The following MMRN1 variants were observed in gnomAD, a reference collection of about 807,000 sequenced individuals.
MMRN1 encodes the protein multimerin-1.
In MMRN1, 94 loss-of-function variants were observed where a neutral mutation model predicts 100.7. The ratio of observed to expected loss-of-function variants is 0.93; its 90% CI spans 0.79 to 1.11. The LOEUF is 1.11. Among genes scored for constraint, MMRN1 ranks in the 50% least tolerant of loss-of-function variants. The pLI, the probability that MMRN1 is intolerant of heterozygous loss-of-function variation, is 0.00. For missense variants in MMRN1, 1,606 were observed against 1,439.1 expected, an observed-to-expected ratio of 1.12 and a Z score of -1.88; for synonymous variants, 575 against 505.0, an observed-to-expected ratio of 1.14 and a Z score of -1.86.
intron 1 of MMRN1, among the ~76,000 whole-genome samples, chr4:89,883,181 T>C (rs1454200278): frequency 6.6e-6 from 1 of 152,118 alleles, no homozygotes; most frequent in Non-Finnish European, 1.5e-5. Context: ...TGATATTCTC[T>C]TATATTTGGG....
At chr4:89,918,114 C>T (rs1445982965) in intron 3 of MMRN1, among the ~76,000 whole-genome samples, 1 of 150,754 alleles carries the variant, frequency 6.6e-6, no homozygotes, top group Non-Finnish European at 1.5e-5. Flanking sequence ...TGGCCTTTTA[C>T]TAATTTTTGT....
chr4:89,925,522 T>C (rs1316176040), intron 4 of MMRN1, among the ~76,000 whole-genome samples: 1 of 148,886 alleles, frequency 6.7e-6, no homozygotes, highest in East Asian at 1.9e-4. Context: ...ATATATTTAA[T>C]TTTTAATTAA....
chr4:89,905,096 CTT>C (rs1197466422), intron 1 of MMRN1, among the ~76,000 whole-genome samples: 1 of 151,450 alleles, frequency 6.6e-6, no homozygotes, highest in Non-Finnish European at 1.5e-5. Context: ...GTAGTAAACA[CTT>C]ATAAAAAAAT....
chr4:89,935,879 T>C lies in MMRN1; in HGVS notation c.2199T>C (p.Thr733=). 1.2e-6 allele frequency: 2 copies of C among 1,610,090 alleles called. No homozygotes were observed. Among genetic ancestry groups the C allele is most frequent in the African/African-American group, 1.3e-5 (1 of 74,810 alleles). Reference sequence around the variant, plus strand: ...AAGATGGCCTCAATAAGACAATGACTATTATAAATAATGCTATTGATTTCA... The same window carrying C: ...AAGATGGCCTCAATAAGACAATGACCATTATAAATAATGCTATTGATTTCA... ...EMEDGLNKTM[T]IINNAIDFIQ... The change falls in exon 6 of 8, where the codon ACT becomes ACC. Residue 733 remains threonine, a synonymous_variant. Transcript: ENST00000264790.
rs1578508588 is a variant in MMRN1, at chr4:89,951,334, T to G, written c.3119-271T>G. ...TTTGTATTGAGATAATTCTATTCTG[T>G]TCTGCAGTTGACAAGAATGTTAACA... is the stretch of plus-strand genomic sequence containing the variant. On this transcript the variant is annotated intron_variant, in intron 6 of 7. Transcript: ENST00000264790. 7 of 311,302 alleles carry G rather than the reference T, an allele frequency of 2.2e-5. No homozygotes were observed. In the East Asian group the frequency reaches 3.8e-4, roughly 17 times the overall value. The allele number at this position is 311,302 out of a possible 1,614,324, so 19.3% of individuals were successfully genotyped here. A position where few individuals can be genotyped will look rare whatever the true frequency, so the allele number is the denominator to read the frequency against.
chr4:89,923,450 G>A (rs1305543261), intron 4 of MMRN1, among the ~76,000 whole-genome samples, 178 bp downstream of exon 4: 6 of 152,182 alleles, frequency 3.9e-5, no homozygotes, highest in Non-Finnish European at 8.8e-5. Flanking sequence ...GCTATAATAG[G>A]TACTGAAAAG....
At chr4:89,925,302 ATTTTTTTTT>A (rs1176427401) in intron 4 of MMRN1, among the ~76,000 whole-genome samples, 289 of 101,964 alleles carry the variant, frequency 2.8e-3, no homozygotes, top group Middle Eastern at 6.6e-3. Context: ...TGCCTGGTTA[ATTTTTTTTT>A]TTTTTTTTTT....
At chr4:89,890,249 T>TTC (rs1491371516), upstream of MMRN1, among the ~76,000 whole-genome samples, 1 of 143,198 alleles carries the variant, frequency 7.0e-6, no homozygotes, top group Non-Finnish European at 1.5e-5. Flanking sequence ...TTTTTTTTTT[T>TTC]CCCCTGTGCT....
At chr4:89,925,672 TA>T (rs1233289869) in intron 4 of MMRN1, among the ~76,000 whole-genome samples, 1 of 151,326 alleles carries the variant, frequency 6.6e-6, no homozygotes, top group East Asian at 2.0e-4. Context: ...TCTACTCAAA[TA>T]AAAAAAATTA....
Position 89,935,264 on chromosome 4 carries a change from C to A in MMRN1, c.1584C>A (p.Asp528Glu). ...TTTTATCAACTGAACAGGTATCAGA[C>A]CAGAAGAATGCTCCAGCTGCTGAGT... Reference protein sequence around the residue: ...EQLLSTEQVSDQKNAPAAESV... With the variant: ...EQLLSTEQVSEQKNAPAAESV... The change falls in exon 6 of 8, where the codon GAC (aspartate) becomes GAA (glutamate). Residue 528 changes from aspartate to glutamate, a missense_variant. Coordinates refer to ENST00000264790, the MANE Select transcript of MMRN1 (RefSeq NM_007351.3). 1 of 1,613,706 alleles carries A rather than the reference C, an allele frequency of 6.2e-7. No homozygotes were observed. Among genetic ancestry groups the A allele is most frequent in the East Asian group, 2.2e-5 (1 of 44,838 alleles).
Position 89,908,876 on chromosome 4 carries a change from A to G in MMRN1, c.624-400A>G, listed in dbSNP as rs550453988. Among the ~76,000 whole-genome samples, 6 of 151,460 alleles carry G rather than the reference A, an allele frequency of 4.0e-5. No individual in the cohort carries two copies. The South Asian group carries it at 1.2e-3, about 31-fold the overall frequency. ...TCTCTTCTTTTTTGATTTTGAAACC[A>G]TTTATTTACTTATTTACTTATGCTT... is the stretch of plus-strand genomic sequence containing the variant. On this transcript the variant is annotated intron_variant, in intron 1 of 7. Transcript: ENST00000264790.
intron 1 of MMRN1, among the ~76,000 whole-genome samples, chr4:89,905,726 C>T (rs372999512): frequency 1.3e-5 from 2 of 151,410 alleles, no homozygotes; most frequent in East Asian, 3.9e-4. Context: ...TCATTCAATC[C>T]ATAAAGTCTC....
chr4:89,924,847 A>G (rs903314462), intron 4 of MMRN1, among the ~76,000 whole-genome samples: 1 of 152,048 alleles, frequency 6.6e-6, no homozygotes, highest in Non-Finnish European at 1.5e-5. Flanking sequence ...TCTCAAAAAT[A>G]AAAAATTAAA....
chr4:89,909,432 C>T (rs754715724), intron 2 of MMRN1, 37 bp downstream of exon 2: 2 of 1,602,648 alleles, frequency 1.2e-6, no homozygotes, highest in African/African-American at 1.3e-5. Flanking sequence ...ACTGTTTTTG[C>T]ACCATAATAA....
At position 89,936,713 on chromosome 4, in the gene MMRN1, T is replaced by A; in HGVS notation, c.3033T>A (p.Ile1011=). ...AAGTAAAATCATTGCCAAAGAAAAT[T>A]AACGCACTTAAGAAACCAACGGTAA... ...QKQVKSLPKK[I]NALKKPTVNL... Residue 1011 remains isoleucine, a synonymous_variant, in exon 6 of 8, where the codon ATT becomes ATA. Transcript: ENST00000264790. The A allele has an allele frequency of 6.2e-7, 1 of 1,613,390 alleles. No homozygotes were observed. Among genetic ancestry groups the A allele is most frequent in the Non-Finnish European group, 8.5e-7 (1 of 1,179,606 alleles).
At chr4:89,942,274 G>A (rs1449746205) in intron 6 of MMRN1, among the ~76,000 whole-genome samples, 3 of 152,024 alleles carry the variant, frequency 2.0e-5, no homozygotes, top group African/African-American at 7.2e-5. Context: ...TTCTTAACTT[G>A]TCTGTAAATT....
intron 6 of MMRN1, among the ~76,000 whole-genome samples, chr4:89,946,708 G>T (rs1022057840): frequency 1.3e-5 from 2 of 151,966 alleles, no homozygotes; most frequent in Non-Finnish European, 2.9e-5. Context: ...AAAATGCAAG[G>T]TGCTCTCCAA....
chr4:89,899,683 AT>A (rs1721320802), intron 1 of MMRN1, among the ~76,000 whole-genome samples: 1 of 152,062 alleles, frequency 6.6e-6, no homozygotes, highest in Non-Finnish European at 1.5e-5. Flanking sequence ...ATGTATCTTA[AT>A]TTTTACCAAA....
intron 1 of MMRN1, among the ~76,000 whole-genome samples, chr4:89,882,393 T>C (rs562576889): frequency 6.6e-6 from 1 of 151,848 alleles, no homozygotes; most frequent in African/African-American, 2.4e-5. Flanking sequence ...TAAATTTATG[T>C]GCATTTAGGT....
Sources: gnomAD v4.1 joint callset for allele counts (sites outside exome capture counted in the v4.1 genomes callset) on GRCh38, gnomAD v4.1.1 for gene constraint, MANE v1.5 for transcripts, NCBI Gene and HGNC (gene_info 2026-07-23, HGNC 2026-07-21) for gene names.